Variants in HORMAD2 observed in about 807,000 individuals in gnomAD.
HORMAD2 encodes the protein HORMA domain containing 2, also known as HORMA domain-containing protein 2.
Under a neutral mutation model 38.8 loss-of-function variants are expected in HORMAD2, and 45 were observed. That is an observed-to-expected ratio of 1.16 (90% CI 0.91 to 1.49). HORMAD2 has a LOEUF of 1.49. HORMAD2 is among the 40% of genes most tolerant of loss of function. The pLI is 0.00. For synonymous variants in HORMAD2, 126 were observed against 122.8 expected (o/e 1.03, Z -0.17); for missense variants, 338 against 367.0 (o/e 0.92, Z 0.65).
chr22:30,154,203 C>A (rs116416446), intron 10 of HORMAD2, among the ~76,000 whole-genome samples: 2 of 152,110 alleles, frequency 1.3e-5, no homozygotes, highest in African/African-American at 2.4e-5. Flanking sequence ...AGAATAGTCA[C>A]TAGATAGGTT....
intron 10 of HORMAD2, among the ~76,000 whole-genome samples, chr22:30,123,176 T>C (rs1197741509): frequency 1.3e-5 from 2 of 152,204 alleles, no homozygotes; most frequent in African/African-American, 4.8e-5. Flanking sequence ...CAGATTGTTT[T>C]TAAATTTTTA....
Position 30,172,656 on chromosome 22 carries a change from C to T in HORMAD2, c.820-3407C>T, listed in dbSNP as rs141006425. Among the ~76,000 whole-genome samples, 649 of 152,158 alleles carry T rather than the reference C, an allele frequency of 4.3e-3. 4 individuals are homozygous for T. The highest frequency in any genetic ancestry group is 0.015 in the African/African-American group (621 of 41,510). ...TAATCCCAGCACTTTGGGAGGCCAACGCATGCGGATCACCTGAGGTCAGGA... is the reference window on the plus strand; with the variant it reads ...TAATCCCAGCACTTTGGGAGGCCAATGCATGCGGATCACCTGAGGTCAGGA... On this transcript the variant is annotated intron_variant, in intron 10 of 10. Transcript: ENST00000336726.
At chr22:30,120,514 T>C (rs1212636332) in intron 8 of HORMAD2, among the ~76,000 whole-genome samples, 1 of 152,206 alleles carries the variant, frequency 6.6e-6, no homozygotes. Context: ...AAATATATTA[T>C]AGTCATGGTC....
chr22:30,087,722 GA>G (rs761702466), intron 1 of HORMAD2, among the ~76,000 whole-genome samples: 11,681 of 131,508 alleles, frequency 0.089, 523 homozygotes, highest in African/African-American at 0.1. Flanking sequence ...AGAGAGAGAG[GA>G]AAAAAAAAAA....
intron 1 of HORMAD2, among the ~76,000 whole-genome samples, chr22:30,087,021 C>A (rs1269673315): frequency 3.3e-5 from 5 of 151,776 alleles, no homozygotes; most frequent in Admixed American, 1.3e-4. Flanking sequence ...GCCACCACGC[C>A]CAGCTAATTT....
the HORMAD2 span, chr22:30,207,143 C>G: frequency 6.4e-6 from 3 of 467,648 alleles, no homozygotes; most frequent in Admixed American, 7.1e-5. Context: ...ATGTGGCTCA[C>G]TGTGCTCCCG....
chr22:30,135,930 A>C (rs755263953), intron 10 of HORMAD2, among the ~76,000 whole-genome samples: 64 of 152,346 alleles, frequency 4.2e-4, no homozygotes, highest in Admixed American at 1.8e-3. Flanking sequence ...GTAAAGCAGC[A>C]GGAAAACTGA....
chr22:30,120,994 A>T (rs1325787712), intron 8 of HORMAD2, among the ~76,000 whole-genome samples: 1 of 152,200 alleles, frequency 6.6e-6, no homozygotes, highest in Non-Finnish European at 1.5e-5. Context: ...AAACTGATGG[A>T]TATAATAGAA....
intron 1 of HORMAD2, among the ~76,000 whole-genome samples, chr22:30,091,806 C>A (rs558996240): frequency 2.0e-5 from 3 of 152,242 alleles, no homozygotes; most frequent in African/African-American, 7.2e-5. Flanking sequence ...TTCTTACCAA[C>A]AGTGTATAAG....
At chr22:30,206,626 T>G in the HORMAD2 span, among the ~76,000 whole-genome samples, 4 of 151,946 alleles carry the variant, frequency 2.6e-5, no homozygotes, top group Admixed American at 2.6e-4. Flanking sequence ...GAACTACAAA[T>G]GCATGCCACC....
At chr22:30,172,879 C>T (rs1417347246) in intron 10 of HORMAD2, among the ~76,000 whole-genome samples, 1 of 150,418 alleles carries the variant, frequency 6.6e-6, no homozygotes, top group Admixed American at 6.6e-5. Flanking sequence ...CAGAATGAGA[C>T]TCCGTTTCAA....
intron 7 of HORMAD2, among the ~76,000 whole-genome samples, chr22:30,114,120 TAC>T (rs1407587357): frequency 3.3e-5 from 5 of 152,146 alleles, no homozygotes; most frequent in Non-Finnish European, 7.4e-5. Flanking sequence ...AAAAAAGTAT[TAC>T]AGAGTGGGAA....
the HORMAD2 span, among the ~76,000 whole-genome samples, chr22:30,205,648 T>G: frequency 6.6e-6 from 1 of 152,148 alleles, no homozygotes; most frequent in African/African-American, 2.4e-5. Context: ...GATGAGGTAC[T>G]GACGAAAGTA....
At chr22:30,195,340 T>G in the HORMAD2 span, among the ~76,000 whole-genome samples, 1 of 152,198 alleles carries the variant, frequency 6.6e-6, no homozygotes. Context: ...TTCAAGGAGC[T>G]CAAAGTACTT....
intron 5 of HORMAD2, 141 bp from the exon 6 acceptor site, chr22:30,111,655 T>C (rs868746032): frequency 3.2e-5 from 20 of 620,830 alleles, no homozygotes; most frequent in Admixed American, 1.4e-4. Context: ...GTATCCTTTT[T>C]CTTCTGGCCT....
At chr22:30,146,194 G>C (rs1455083490) in intron 10 of HORMAD2, among the ~76,000 whole-genome samples, 5 of 152,178 alleles carry the variant, frequency 3.3e-5, no homozygotes, top group African/African-American at 1.2e-4. Flanking sequence ...TTTGTGACTT[G>C]AAAATATGAA....
chr22:30,162,049 A>G (rs974017300), intron 10 of HORMAD2, among the ~76,000 whole-genome samples: 2 of 152,200 alleles, frequency 1.3e-5, no homozygotes, highest in Admixed American at 6.5e-5. Context: ...ATGGTGGCTC[A>G]CATCTGTAGT....
intron 10 of HORMAD2, among the ~76,000 whole-genome samples, chr22:30,169,263 G>A (rs767763291): frequency 9.2e-5 from 14 of 151,988 alleles, no homozygotes; most frequent in Admixed American, 2.6e-4. Flanking sequence ...TTGTTTCCCC[G>A]TACCAGGCCT....
At chr22:30,185,544 C>T in the HORMAD2 span, among the ~76,000 whole-genome samples, 3 of 152,180 alleles carry the variant, frequency 2.0e-5, no homozygotes, top group African/African-American at 7.2e-5. Context: ...CTTTCAATAA[C>T]TTACTATTGT....
Sources: allele counts gnomAD v4.1 joint callset (sites outside exome capture counted in the v4.1 genomes callset), GRCh38; gene constraint gnomAD v4.1.1; transcripts MANE v1.5; gene names NCBI Gene and HGNC (gene_info 2026-07-23, HGNC 2026-07-21).